Variants in EYS observed in about 807,000 individuals in gnomAD.
The protein encoded by EYS is EGF-like photoreceptor maintenance factor.
Under a neutral mutation model 282.1 loss-of-function variants are expected in EYS, and 250 were observed. The ratio of observed to expected loss-of-function variants is 0.89; its 90% CI spans 0.80 to 0.98. The LOEUF is 0.98. Among genes scored for constraint, EYS ranks in the 50% least tolerant of loss-of-function variants. The pLI is 0.00. For synonymous variants in EYS, 1,355 were observed against 1,282.9 expected (o/e 1.06, Z -1.20); for missense variants, 4,016 against 3,709.0 (o/e 1.08, Z -2.15).
chr6:63,999,082 G>A lies in EYS; in HGVS notation c.6827C>T (p.Ala2276Val), dbSNP rs1054721154. The A allele has an allele frequency of 9.7e-6, 15 of 1,544,646 alleles. No individual in the cohort carries two copies. The highest frequency in any genetic ancestry group is 3.9e-5 in the Admixed American group (2 of 50,960). ...GGATATTTGCATACCTACCTGAGAG[G>A]CATGGGAAATCTCTGTGTCTTTCTT... ...VQKKDTEISH[A>V]SQAYFESMFL... is the part of the protein sequence containing the mutation. The change falls in exon 34 of 43, where the codon GCC (alanine) becomes GTC (valine). Residue 2276 changes from alanine to valine, a missense_variant. Physicochemically the swap from Ala to Val is moderately conservative, Grantham distance 64. Coordinates refer to ENST00000503581, the MANE Select transcript of EYS (RefSeq NM_001142800.2).
chr6:64,616,245 G>A (rs973190467), intron 24 of EYS, among the ~76,000 whole-genome samples: 3 of 152,076 alleles, frequency 2.0e-5, no homozygotes, highest in Non-Finnish European at 4.4e-5. Context: ...GACATTATTG[G>A]TATAATCTGA....
At chr6:64,412,640 C>T (rs867412336) in intron 28 of EYS, 2 of 151,966 alleles carry the variant, frequency 1.3e-5, no homozygotes, top group Admixed American at 6.6e-5. Flanking sequence ...CCTGAGGAAC[C>T]TCAAGTGTGT....
At chr6:64,977,273 G>T (rs901447330) in intron 14 of EYS, among the ~76,000 whole-genome samples, 1 of 151,796 alleles carries the variant, frequency 6.6e-6, no homozygotes, top group Non-Finnish European at 1.5e-5. Context: ...TATTTCAAAT[G>T]TTTTCATTAT....
intron 33 of EYS, among the ~76,000 whole-genome samples, chr6:64,027,850 C>A (rs1335821837): frequency 2.6e-5 from 4 of 152,168 alleles, no homozygotes; most frequent in East Asian, 1.9e-4. Flanking sequence ...CATGTCATCA[C>A]CCTCACTGAG....
chr6:63,729,776 C>T (rs1357878746), intron 41 of EYS, among the ~76,000 whole-genome samples: 1 of 151,996 alleles, frequency 6.6e-6, no homozygotes, highest in Admixed American at 6.6e-5. Context: ...CTTCATGTGC[C>T]CCTGTCTTAT....
intron 33 of EYS, among the ~76,000 whole-genome samples, chr6:64,062,711 G>C (rs1284181325): frequency 7.4e-6 from 1 of 135,266 alleles, no homozygotes; most frequent in Non-Finnish European, 1.6e-5. Context: ...AAAAAAAAAA[G>C]AAGAAGAAAC....
chr6:64,073,098 T>C (rs867831463), intron 32 of EYS, among the ~76,000 whole-genome samples: 3 of 151,888 alleles, frequency 2.0e-5, no homozygotes, highest in South Asian at 2.1e-4. Flanking sequence ...TATTGTACAG[T>C]ATAAAATAAG....
At chr6:65,150,416 G>A (rs1248011645) in intron 12 of EYS, among the ~76,000 whole-genome samples, 1 of 151,752 alleles carries the variant, frequency 6.6e-6, no homozygotes, top group Admixed American at 6.6e-5. Flanking sequence ...AGATATCTAT[G>A]CCCAATTACA....
intron 29 of EYS, among the ~76,000 whole-genome samples, chr6:64,348,047 A>T (rs1420350354): frequency 6.6e-6 from 1 of 151,338 alleles, no homozygotes; most frequent in African/African-American, 2.4e-5. Flanking sequence ...AATATTTAAA[A>T]TTTTTTCTTC....
At chr6:64,568,838 AG>A (rs1765634420) in intron 26 of EYS, among the ~76,000 whole-genome samples, 1 of 152,128 alleles carries the variant, frequency 6.6e-6, no homozygotes, top group Admixed American at 6.5e-5. Context: ...CTAGGCGAAG[AG>A]GGTCTGGAGT....
intron 13 of EYS, among the ~76,000 whole-genome samples, chr6:65,018,306 T>A (rs567602263): frequency 6.6e-6 from 1 of 151,430 alleles, no homozygotes; most frequent in South Asian, 2.1e-4. Flanking sequence ...TAAGAGAGAA[T>A]GTGTTCCATG....
chr6:64,384,746 A>G (rs1328464879), intron 29 of EYS, among the ~76,000 whole-genome samples: 1 of 152,192 alleles, frequency 6.6e-6, no homozygotes, highest in Non-Finnish European at 1.5e-5. Context: ...CTTGAAAGTT[A>G]TCATCATTTA....
intron 2 of EYS, among the ~76,000 whole-genome samples, chr6:65,560,165 C>G (rs1488109391): frequency 6.8e-6 from 1 of 146,540 alleles, no homozygotes; most frequent in Non-Finnish European, 1.5e-5. Flanking sequence ...TAAGCTATGT[C>G]AATCACTATA....
At chr6:65,137,866 A>G (rs949379817) in intron 12 of EYS, among the ~76,000 whole-genome samples, 1 of 152,170 alleles carries the variant, frequency 6.6e-6, no homozygotes, top group Admixed American at 6.6e-5. Context: ...CTTGGAAAAC[A>G]TAAGTAAACA....
intron 19 of EYS, among the ~76,000 whole-genome samples, chr6:64,857,754 G>A (rs1171576931): frequency 6.6e-6 from 1 of 151,950 alleles, no homozygotes; most frequent in Non-Finnish European, 1.5e-5. Flanking sequence ...TTTTCTCCAT[G>A]TCCATGCCAA....
At chr6:63,882,178 A>G (rs959978888) in intron 35 of EYS, among the ~76,000 whole-genome samples, 1 of 152,222 alleles carries the variant, frequency 6.6e-6, no homozygotes, top group Non-Finnish European at 1.5e-5. Flanking sequence ...TACCAAAAGT[A>G]TTTTTACTGA....
At chr6:64,202,046 G>A (rs1404061798) in intron 31 of EYS, among the ~76,000 whole-genome samples, 2 of 152,056 alleles carry the variant, frequency 1.3e-5, no homozygotes, top group Non-Finnish European at 2.9e-5. Flanking sequence ...ACAAACTGCT[G>A]CAAATAAATA....
chr6:65,028,216 C>T (rs763089396), intron 13 of EYS, among the ~76,000 whole-genome samples: 1 of 151,976 alleles, frequency 6.6e-6, no homozygotes, highest in Non-Finnish European at 1.5e-5. Context: ...GCAAGAAACT[C>T]CAATGCTTTA....
At chr6:65,598,229 T>TCC (rs572037503) in intron 2 of EYS, among the ~76,000 whole-genome samples, 33 of 27,044 alleles carry the variant, frequency 1.2e-3, no homozygotes, top group African/African-American at 4.8e-3. Context: ...AAGACCCTCC[T>TCC]CCCCACCCAC....
Sources: allele counts gnomAD v4.1 joint callset (sites outside exome capture counted in the v4.1 genomes callset), GRCh38; gene constraint gnomAD v4.1.1; transcripts MANE v1.5; gene names NCBI Gene and HGNC (gene_info 2026-07-23, HGNC 2026-07-21).